Variants in EXOC6B observed in about 807,000 individuals in gnomAD.
EXOC6B encodes the protein SEC15 homolog B.
EXOC6B carries 54 observed loss-of-function variants against 113.5 expected under a neutral mutation model. The ratio of observed to expected loss-of-function variants is 0.48; its 90% CI spans 0.38 to 0.60. The LOEUF (loss-of-function observed/expected upper bound fraction) is 0.60, where lower values mean the gene tolerates loss of function less well. Among genes scored for constraint, EXOC6B ranks in the 20% least tolerant of loss-of-function variants. EXOC6B has a pLI of 0.00. For synonymous variants in EXOC6B, 357 were observed against 339.0 expected (o/e 1.05, Z -0.58); for missense variants, 797 against 977.5 (o/e 0.82, Z 2.46).
intron 6 of EXOC6B, among the ~76,000 whole-genome samples, chr2:72,594,377 G>A (rs549264538): frequency 2.8e-4 from 43 of 152,182 alleles, no homozygotes; most frequent in African/African-American, 9.4e-4. Flanking sequence ...CATTTTACAA[G>A]GCCAATACTA....
intron 6 of EXOC6B, among the ~76,000 whole-genome samples, chr2:72,629,880 T>G (rs899585191): frequency 6.6e-6 from 1 of 152,196 alleles, no homozygotes; most frequent in African/African-American, 2.4e-5. Flanking sequence ...CTGACCTTCA[T>G]CAAACTCCTT....
At chr2:72,476,337 T>C (rs1698741225) in intron 17 of EXOC6B, among the ~76,000 whole-genome samples, 1 of 152,216 alleles carries the variant, frequency 6.6e-6, no homozygotes, top group African/African-American at 2.4e-5. Flanking sequence ...TACTGTCACT[T>C]TTCTATTGAA....
intron 6 of EXOC6B, among the ~76,000 whole-genome samples, chr2:72,581,346 T>C (rs983709760): frequency 2.0e-5 from 3 of 152,146 alleles, no homozygotes; most frequent in African/African-American, 7.2e-5. Context: ...AAAAGTGATT[T>C]AAAATGAAGG....
chr2:72,815,100 A>G (rs1686149911), intron 1 of EXOC6B, among the ~76,000 whole-genome samples: 1 of 152,238 alleles, frequency 6.6e-6, no homozygotes, highest in Non-Finnish European at 1.5e-5. Flanking sequence ...TGGTTTATTT[A>G]CCAATCACAA....
At chr2:72,196,925 C>T (rs1679211431) in intron 20 of EXOC6B, among the ~76,000 whole-genome samples, 1 of 152,046 alleles carries the variant, frequency 6.6e-6, no homozygotes, top group African/African-American at 2.4e-5. Context: ...AAGGAGGGGC[C>T]CAGGCATTGA....
rs538482020 is a variant in EXOC6B at position 72,510,538 on chromosome 2, T to TTA, written c.1167+2592_1167+2593dup. Among the ~76,000 whole-genome samples the TTA allele has an allele frequency of 2.7e-3, 406 of 151,564 alleles. 2 individuals are homozygous for TTA. Among genetic ancestry groups the TTA allele is most frequent in the African/African-American group, 8.6e-3 (356 of 41,430 alleles). ...AATAATATAATCCTACAATGCAATA[T>TTA]TATATATATTAAAATTAAATCATAT... is the stretch of plus-strand genomic sequence containing the variant. On this transcript the variant is annotated intron_variant, in intron 11 of 21. Transcript: ENST00000272427.
chr2:72,564,974 C>T (rs565889360), intron 7 of EXOC6B, among the ~76,000 whole-genome samples: 1 of 152,216 alleles, frequency 6.6e-6, no homozygotes, highest in Non-Finnish European at 1.5e-5. Flanking sequence ...TCAGGAAAAA[C>T]CACCATTTCT....
chr2:72,223,682 G>GTTTTTTGT (rs1681017449), intron 20 of EXOC6B, among the ~76,000 whole-genome samples: 1 of 135,736 alleles, frequency 7.4e-6, no homozygotes, highest in Non-Finnish European at 1.5e-5. Context: ...GTGAAGGCCT[G>GTTTTTTGT]TTTTTTGTTT....
intron 19 of EXOC6B, among the ~76,000 whole-genome samples, chr2:72,376,273 G>A (rs1572992670): frequency 6.6e-6 from 1 of 152,062 alleles, no homozygotes; most frequent in Non-Finnish European, 1.5e-5. Flanking sequence ...CTCAGCTTCT[G>A]TTTATCTGAA....
chr2:72,465,260 T>C lies in EXOC6B; in HGVS notation c.1880A>G (p.Tyr627Cys), dbSNP rs1277574160. The change falls in exon 18 of 22, where the codon TAT (tyrosine) becomes TGT (cysteine). Residue 627 changes from tyrosine to cysteine, a missense_variant. Transcript: ENST00000272427. ...KIDQFLQLAD[Y>C]DWMTGDLGNK... is the part of the protein sequence containing the mutation. ...GCCCAAATCTCCGGTCATCCAGTCA[T>C]AGTCTGCCAGCTGTAGGAACTGGTC... The C allele has an allele frequency of 6.2e-7, 1 of 1,610,582 alleles. No homozygotes were observed. Among genetic ancestry groups the C allele is most frequent in the Non-Finnish European group, 8.5e-7 (1 of 1,178,368 alleles).
At chr2:72,360,168 A>G (rs1027692223) in intron 19 of EXOC6B, among the ~76,000 whole-genome samples, 1 of 151,468 alleles carries the variant, frequency 6.6e-6, no homozygotes, top group African/African-American at 2.4e-5. Context: ...GCTCACGGCA[A>G]CCTCCACCTC....
chr2:72,449,425 C>G (rs957660755), intron 18 of EXOC6B, among the ~76,000 whole-genome samples: 1 of 151,894 alleles, frequency 6.6e-6, no homozygotes, highest in Admixed American at 6.6e-5. Context: ...CCCGCCTCTG[C>G]CTCCCAAAGT....
intron 6 of EXOC6B, among the ~76,000 whole-genome samples, chr2:72,599,242 G>A (rs1276380510): frequency 6.6e-6 from 1 of 151,902 alleles, no homozygotes; most frequent in Non-Finnish European, 1.5e-5. Context: ...GTGTAAGGCT[G>A]GTTTGACATT....
At chr2:72,629,893 T>C (rs1672282586) in intron 6 of EXOC6B, among the ~76,000 whole-genome samples, 1 of 152,198 alleles carries the variant, frequency 6.6e-6, no homozygotes, top group Non-Finnish European at 1.5e-5. Context: ...AACTCCTTTC[T>C]CTCAGCTAAT....
At chr2:72,631,483 G>T (rs1448548659) in intron 6 of EXOC6B, among the ~76,000 whole-genome samples, 31 of 13,322 alleles carry the variant, frequency 2.3e-3, no homozygotes, top group African/African-American at 4.3e-3. Flanking sequence ...GAGAGAGAGA[G>T]AGAGAGAGAG....
chr2:72,624,505 C>T (rs900327410), intron 6 of EXOC6B, among the ~76,000 whole-genome samples: 3 of 152,222 alleles, frequency 2.0e-5, no homozygotes, highest in African/African-American at 7.2e-5. Context: ...ATTTGGGAGG[C>T]CAAGACAAGA....
chr2:72,685,517 A>T (rs1277206302), intron 6 of EXOC6B, among the ~76,000 whole-genome samples: 2 of 152,166 alleles, frequency 1.3e-5, no homozygotes, highest in Non-Finnish European at 2.9e-5. Context: ...TGACTGTAAC[A>T]GCACCTATGG....
At chr2:72,671,555 G>A (rs146958129) in intron 6 of EXOC6B, among the ~76,000 whole-genome samples, 109 of 151,974 alleles carry the variant, frequency 7.2e-4, no homozygotes, top group African/African-American at 2.3e-3. Flanking sequence ...GTAATTCGCC[G>A]GGCGTGGTGG....
chr2:72,685,718 G>A (rs1241359928), intron 6 of EXOC6B, among the ~76,000 whole-genome samples: 3 of 152,126 alleles, frequency 2.0e-5, no homozygotes, highest in African/African-American at 4.8e-5. Context: ...ACAGATTTAT[G>A]GAATATGGAA....
Sources: gnomAD v4.1 joint callset for allele counts (sites outside exome capture counted in the v4.1 genomes callset) on GRCh38, gnomAD v4.1.1 for gene constraint, MANE v1.5 for transcripts, NCBI Gene and HGNC (gene_info 2026-07-23, HGNC 2026-07-21) for gene names.